GPC5: variants seen among roughly 807,000 people sequenced by gnomAD.
The protein encoded by GPC5 is glypican 5, also known as glypican-5.
In GPC5, 47 loss-of-function variants were observed where a neutral mutation model predicts 53.9. The ratio of observed to expected loss-of-function variants is 0.87; its 90% CI spans 0.69 to 1.11. The LOEUF is 1.11. GPC5 is among the 50% of genes most tolerant of loss of function. The pLI, the probability that GPC5 is intolerant of heterozygous loss-of-function variation, is 0.00. For missense variants in GPC5, 748 were observed against 713.1 expected (o/e 1.05, Z -0.56); for synonymous variants, 286 against 263.3 (o/e 1.09, Z -0.84).
rs572321134 is a variant in GPC5, at chr13:92,195,959, T to C, written c.1561+50970T>C. On this transcript the variant is annotated intron_variant, in intron 7 of 7. Transcript: ENST00000377067. Reference sequence around the variant, plus strand: ...GGGTTTAAGGAGAGTGTAGCACTTTTAACAAGGAGGCGCAGGCCCTTTGGC... The same window carrying C: ...GGGTTTAAGGAGAGTGTAGCACTTTCAACAAGGAGGCGCAGGCCCTTTGGC... Among the ~76,000 whole-genome samples, 51 of 152,284 alleles carry C rather than the reference T, an allele frequency of 3.3e-4. 1 individual carries two copies. In the South Asian group the frequency reaches 1.0e-2, roughly 30 times the overall value.
chr13:92,666,508 A>C (rs1423930016), intron 7 of GPC5, among the ~76,000 whole-genome samples: 1 of 141,204 alleles, frequency 7.1e-6, no homozygotes, highest in African/African-American at 2.5e-5. Flanking sequence ...AAAAATGCTA[A>C]TTATACATAA....
At chr13:91,870,026 C>T (rs906506809) in intron 5 of GPC5, among the ~76,000 whole-genome samples, 1 of 152,174 alleles carries the variant, frequency 6.6e-6, no homozygotes, top group East Asian at 1.9e-4. Context: ...AAAACCATAT[C>T]ACATAATATT....
intron 5 of GPC5, among the ~76,000 whole-genome samples, chr13:91,780,778 G>A (rs1407324750): frequency 6.6e-6 from 1 of 152,154 alleles, no homozygotes; most frequent in East Asian, 1.9e-4. Flanking sequence ...TCCTCCAAAT[G>A]TATTATGTTT....
At chr13:92,246,324 AAAT>A (rs1262922213) in intron 7 of GPC5, among the ~76,000 whole-genome samples, 1 of 152,158 alleles carries the variant, frequency 6.6e-6, no homozygotes, top group Non-Finnish European at 1.5e-5. Context: ...TTCAGTGAAT[AAAT>A]AATAAGGATA....
chr13:92,836,652 T>C (rs991543758), intron 7 of GPC5, among the ~76,000 whole-genome samples: 2 of 152,100 alleles, frequency 1.3e-5, no homozygotes, highest in Non-Finnish European at 2.9e-5. Context: ...ATGATATTTT[T>C]GCATACAATT....
intron 5 of GPC5, among the ~76,000 whole-genome samples, chr13:91,868,569 G>A (rs1297248848): frequency 6.6e-6 from 1 of 152,018 alleles, no homozygotes; most frequent in Admixed American, 6.6e-5. Flanking sequence ...GCTGGGTCTG[G>A]TGGCACATGA....
intron 7 of GPC5, among the ~76,000 whole-genome samples, chr13:92,421,358 A>G (rs1393719768): frequency 6.6e-6 from 1 of 152,162 alleles, no homozygotes; most frequent in African/African-American, 2.4e-5. Context: ...GTGTTAATCT[A>G]TTCTCACATT....
intron 7 of GPC5, among the ~76,000 whole-genome samples, chr13:92,642,423 G>A (rs941451773): frequency 1.3e-5 from 2 of 152,076 alleles, no homozygotes; most frequent in Non-Finnish European, 2.9e-5. Context: ...TAATCCTACC[G>A]TACTCAGTGT....
At chr13:92,192,127 G>A (rs537214586) in intron 7 of GPC5, among the ~76,000 whole-genome samples, 1 of 152,188 alleles carries the variant, frequency 6.6e-6, no homozygotes, top group Non-Finnish European at 1.5e-5. Context: ...TTTTAAGGTG[G>A]TGAAGCTATT....
chr13:91,406,236 AAG>A (rs1477395280), intron 1 of GPC5, among the ~76,000 whole-genome samples: 1 of 152,228 alleles, frequency 6.6e-6, no homozygotes, highest in Admixed American at 6.5e-5. Flanking sequence ...TAATTTAATA[AAG>A]CTTTAAGTAG....
chr13:92,015,018 C>T (rs982555320), intron 6 of GPC5, among the ~76,000 whole-genome samples: 1 of 151,976 alleles, frequency 6.6e-6, no homozygotes, highest in Non-Finnish European at 1.5e-5. Context: ...CCTTATTCTT[C>T]TCACCTTGGA....
chr13:92,464,846 A>G (rs1054165378), intron 7 of GPC5, among the ~76,000 whole-genome samples: 1 of 151,928 alleles, frequency 6.6e-6, no homozygotes, highest in African/African-American at 2.4e-5. Flanking sequence ...CTTTATAATT[A>G]TTTGGATATA....
intron 7 of GPC5, among the ~76,000 whole-genome samples, chr13:92,538,470 T>C (rs575626737): frequency 1.3e-5 from 2 of 151,268 alleles, no homozygotes; most frequent in East Asian, 2.0e-4. Context: ...TTTCTTTTTT[T>C]TTTTAATTAC....
At chr13:92,582,825 TG>T (rs1433848137) in intron 7 of GPC5, among the ~76,000 whole-genome samples, 4 of 152,156 alleles carry the variant, frequency 2.6e-5, no homozygotes, top group African/African-American at 7.2e-5. Context: ...TCCTTATTTT[TG>T]TATGTTGATT....
At chr13:92,670,768 A>C (rs1403911090) in intron 7 of GPC5, among the ~76,000 whole-genome samples, 1 of 152,264 alleles carries the variant, frequency 6.6e-6, no homozygotes, top group African/African-American at 2.4e-5. Context: ...ACAAGCCTTT[A>C]GCCTTTTTCT....
chr13:91,753,798 T>G (rs1243333550), intron 4 of GPC5, among the ~76,000 whole-genome samples: 1 of 152,156 alleles, frequency 6.6e-6, no homozygotes, highest in East Asian at 1.9e-4. Flanking sequence ...TTTTGTTTGG[T>G]TTGCATGGAA....
intron 6 of GPC5, among the ~76,000 whole-genome samples, chr13:91,922,422 A>G (rs541378833): frequency 2.0e-5 from 3 of 152,234 alleles, no homozygotes; most frequent in South Asian, 4.1e-4. Context: ...CCAACCTGGT[A>G]TATACTCTTT....
In GPC5 at chr13:92,840,388, G is replaced by A. The variant is rs536664605; in HGVS notation, c.1562-25894G>A. On this transcript the variant is annotated intron_variant, in intron 7 of 7. Coordinates refer to ENST00000377067, the MANE Select transcript of GPC5 (RefSeq NM_004466.6). ...AAGACCCACTGTCTTTCCCTATTGA[G>A]TGACATTAGCATTCCGTTGAAAACC... Among the ~76,000 whole-genome samples, 11 of 151,930 alleles carry A rather than the reference G, an allele frequency of 7.2e-5. No homozygotes were observed. In the South Asian group the frequency reaches 2.3e-3, roughly 32 times the overall value.
intron 6 of GPC5, among the ~76,000 whole-genome samples, chr13:91,980,910 A>G (rs1482147847): frequency 6.6e-6 from 1 of 152,194 alleles, no homozygotes; most frequent in Admixed American, 6.5e-5. Flanking sequence ...ATTTATCTAT[A>G]TTAAGGTGTA....
Sources: allele counts gnomAD v4.1 joint callset (sites outside exome capture counted in the v4.1 genomes callset), GRCh38; gene constraint gnomAD v4.1.1; transcripts MANE v1.5; gene names NCBI Gene and HGNC (gene_info 2026-07-23, HGNC 2026-07-21).